The following DNAAF11 variants were observed in gnomAD, a reference collection of about 807,000 sequenced individuals.
The protein encoded by DNAAF11 is leucine rich repeat containing 6.
In DNAAF11, 45 loss-of-function variants were observed where a neutral mutation model predicts 60.8. The observed-to-expected ratio is 0.74, with a 90% CI of 0.58 to 0.95. DNAAF11 has a LOEUF of 0.95. DNAAF11 is among the 40% of genes least tolerant of loss of function. DNAAF11 has a pLI of 0.00. For missense variants in DNAAF11, 546 were observed against 546.2 expected (o/e 1.00, Z 0.00); for synonymous variants, 191 against 183.5 (o/e 1.04, Z -0.33).
intron 7 of DNAAF11, 69 bp from the exon 8 acceptor site, chr8:132,615,166 A>G: frequency 2.3e-6 from 2 of 875,440 alleles, no homozygotes; most frequent in East Asian, 2.4e-5. Context: ...CCCCATCATA[A>G]ATTCATAAGC....
Position 132,655,525 on chromosome 8 carries a change from AC to A in DNAAF11, c.256+1304del, listed in dbSNP as rs1191925360. ...CACCATCATGAAAGTTGAAAAGAAA[AC>A]CCACAAATTGGAAGAATATATCTGC... is the stretch of plus-strand genomic sequence containing the variant. On this transcript the variant is annotated intron_variant, in intron 3 of 11. Transcript: ENST00000620350. Among the ~76,000 whole-genome samples the A allele has an allele frequency of 7.8e-4, 119 of 152,276 alleles. 2 individuals are homozygous for A. Among genetic ancestry groups the A allele is most frequent in the Non-Finnish European group, 1.6e-4 (11 of 68,010 alleles).
intron 1 of DNAAF11, among the ~76,000 whole-genome samples, chr8:132,668,305 T>C (rs1326975533): frequency 6.6e-6 from 1 of 152,210 alleles, no homozygotes; most frequent in Non-Finnish European, 1.5e-5. Flanking sequence ...GACGACTTAC[T>C]GGAGTGTGCT....
intron 8 of DNAAF11, among the ~76,000 whole-genome samples, chr8:132,613,568 G>T (rs953124424): frequency 5.3e-5 from 8 of 152,170 alleles, no homozygotes; most frequent in Non-Finnish European, 1.0e-4. Context: ...GTTTCCTTCT[G>T]GGGTGATAAA....
intron 10 of DNAAF11, among the ~76,000 whole-genome samples, chr8:132,596,407 G>A (rs780404407): frequency 6.6e-6 from 1 of 152,130 alleles, no homozygotes; most frequent in Non-Finnish European, 1.5e-5. Context: ...TCTTCTGACA[G>A]TTCCCCATAG....
chr8:132,672,680 G>A (rs934583539), intron 1 of DNAAF11, among the ~76,000 whole-genome samples: 1 of 152,140 alleles, frequency 6.6e-6, no homozygotes, highest in Non-Finnish European at 1.5e-5. Context: ...GAAACTTTCA[G>A]AACACTGACT....
chr8:132,622,801 G>A (rs570163890), intron 6 of DNAAF11, 113 bp from the exon 7 acceptor site: 4 of 735,320 alleles, frequency 5.4e-6, no homozygotes, highest in East Asian at 5.0e-5. Context: ...AAAATTAATT[G>A]GACTTTTACG....
At chr8:132,641,345 A>T (rs539990733) in intron 3 of DNAAF11, among the ~76,000 whole-genome samples, 1 of 152,276 alleles carries the variant, frequency 6.6e-6, no homozygotes, top group South Asian at 2.1e-4. Context: ...TTTTGTGTAC[A>T]TCCTTTGTCA....
At chr8:132,575,596 C>T (rs1370168483) in intron 11 of DNAAF11, among the ~76,000 whole-genome samples, 3 of 152,028 alleles carry the variant, frequency 2.0e-5, no homozygotes, top group African/African-American at 7.2e-5. Flanking sequence ...GGTTGAAGCA[C>T]AAGGAGACAA....
chr8:132,638,498 C>T (rs922507601), intron 3 of DNAAF11, among the ~76,000 whole-genome samples: 11 of 152,144 alleles, frequency 7.2e-5, no homozygotes, highest in Non-Finnish European at 1.3e-4. Flanking sequence ...CACCTGGAAC[C>T]TGTCCTCTTG....
At chr8:132,589,786 T>C (rs571642709) in intron 10 of DNAAF11, among the ~76,000 whole-genome samples, 5 of 152,184 alleles carry the variant, frequency 3.3e-5, no homozygotes, top group Admixed American at 6.5e-5. Flanking sequence ...CACTGTCTCA[T>C]AGGAGGTAGG....
intron 10 of DNAAF11, among the ~76,000 whole-genome samples, chr8:132,588,969 C>T (rs1269943470): frequency 6.6e-6 from 1 of 152,148 alleles, no homozygotes; most frequent in Non-Finnish European, 1.5e-5. Flanking sequence ...TGCTGCTAAA[C>T]CATTAGAAAC....
chr8:132,602,744 A>AATATATATAT (rs35316805), intron 10 of DNAAF11, among the ~76,000 whole-genome samples: 96 of 141,862 alleles, frequency 6.8e-4, no homozygotes, highest in African/African-American at 1.1e-3. Context: ...CTTAATTTGA[A>AATATATATAT]ATATATATAT....
At chr8:132,621,211 T>G (rs60120126) in intron 7 of DNAAF11, among the ~76,000 whole-genome samples, 13,957 of 152,152 alleles carry the variant, frequency 0.092, 1,805 homozygotes, top group African/African-American at 0.29. Context: ...GAAGAACAGC[T>G]GTCAGCCACA....
At chr8:132,637,547 G>A (rs1449825581) in intron 4 of DNAAF11, among the ~76,000 whole-genome samples, 3 of 151,976 alleles carry the variant, frequency 2.0e-5, no homozygotes, top group Non-Finnish European at 4.4e-5. Context: ...AGAGTTTGCA[G>A]TGAGCCGAGA....
intron 10 of DNAAF11, among the ~76,000 whole-genome samples, chr8:132,607,361 C>A (rs1818233496): frequency 6.6e-6 from 1 of 152,206 alleles, no homozygotes. Context: ...CTGTAGTATG[C>A]CATCGACCCA....
In DNAAF11 at chr8:132,660,273, T is replaced by C. The variant is rs536174043; in HGVS notation, c.178+1187A>G. On this transcript the variant is annotated intron_variant, in intron 2 of 11. Coordinates refer to ENST00000620350, the MANE Select transcript of DNAAF11 (RefSeq NM_012472.6). ...TTAAGTTTTAGGGTACATGTGCACA[T>C]TGTGCAGGTTAGTTACATATGTATA... Among the ~76,000 whole-genome samples the C allele has an allele frequency of 1.7e-4, 26 of 152,242 alleles. 1 individual carries two copies. The highest frequency in any genetic ancestry group is 6.3e-4 in the African/African-American group (26 of 41,534).
chr8:132,605,945 G>A (rs1818084994), intron 10 of DNAAF11, among the ~76,000 whole-genome samples: 1 of 151,734 alleles, frequency 6.6e-6, no homozygotes, highest in Non-Finnish European at 1.5e-5. Context: ...GGACATAATG[G>A]GGTCGGGGGG....
chr8:132,689,939 T>C, the DNAAF11 span, among the ~76,000 whole-genome samples: 1 of 152,158 alleles, frequency 6.6e-6, no homozygotes, highest in Non-Finnish European at 1.5e-5. Context: ...TGTTTTCAAA[T>C]TCCTGGCCTA....
chr8:132,608,917 T>C (rs1818373793), intron 10 of DNAAF11, among the ~76,000 whole-genome samples: 2 of 152,212 alleles, frequency 1.3e-5, no homozygotes, highest in African/African-American at 4.8e-5. Context: ...CGTTGGAAAT[T>C]GGCTACAGGA....
Sources: allele counts gnomAD v4.1 joint callset (sites outside exome capture counted in the v4.1 genomes callset), GRCh38; gene constraint gnomAD v4.1.1; transcripts MANE v1.5; gene names NCBI Gene and HGNC (gene_info 2026-07-23, HGNC 2026-07-21).